FGF10: variants seen among roughly 807,000 people sequenced by gnomAD.
The protein encoded by FGF10 is FGF-10.
Under a neutral mutation model 19.8 loss-of-function variants are expected in FGF10, and 2 were observed. The ratio of observed to expected loss-of-function variants is 0.10; its 90% CI spans 0.04 to 0.32. The LOEUF is 0.32. FGF10 is among the 10% of genes least tolerant of loss of function. FGF10 has a pLI of 1.00. For missense variants in FGF10, 191 were observed against 246.3 expected (o/e 0.78, Z 1.50); for synonymous variants, 112 against 94.0 (o/e 1.19, Z -1.10).
At chr5:44,365,082 G>A (rs185676879) in intron 1 of FGF10, among the ~76,000 whole-genome samples, 7 of 151,840 alleles carry the variant, frequency 4.6e-5, no homozygotes, top group South Asian at 2.1e-4. Context: ...GTAAAATGTC[G>A]GCATGGTTGG....
chr5:44,313,081 G>T (rs1467059107), intron 1 of FGF10, among the ~76,000 whole-genome samples: 1 of 151,930 alleles, frequency 6.6e-6, no homozygotes, highest in Non-Finnish European at 1.5e-5. Context: ...AGCTTAAAAA[G>T]GTTTAGCTAT....
At chr5:44,307,107 T>C (rs1376482526) in intron 2 of FGF10, among the ~76,000 whole-genome samples, 1 of 152,202 alleles carries the variant, frequency 6.6e-6, no homozygotes, top group African/African-American at 2.4e-5. Flanking sequence ...TGGGAGTGTA[T>C]GCTTAATGTT....
chr5:44,374,811 C>A (rs1407819166), intron 1 of FGF10, among the ~76,000 whole-genome samples: 2 of 152,114 alleles, frequency 1.3e-5, no homozygotes, highest in East Asian at 1.9e-4. Flanking sequence ...ATTTTTAATC[C>A]CCACTGAATG....
chr5:44,377,788 C>T (rs192432354), intron 1 of FGF10, among the ~76,000 whole-genome samples: 1 of 152,272 alleles, frequency 6.6e-6, no homozygotes, highest in African/African-American at 2.4e-5. Flanking sequence ...GGACCCAAGT[C>T]TAAACACAAA....
chr5:44,310,396 G>A (rs1332929021), intron 2 of FGF10, 31 bp downstream of exon 2: 3 of 1,447,824 alleles, frequency 2.1e-6, no homozygotes, highest in Admixed American at 1.7e-5. Flanking sequence ...GTTTACTGGA[G>A]TGGATTTGAA....
rs1740043544 is a variant in FGF10, at chr5:44,305,008, A to G, written c.614T>C (p.Val205Ala). The change falls in exon 3 of 3, where the codon GTG becomes GCG. Residue 205 changes from valine to alanine, a missense_variant. Physicochemically the swap from Val to Ala is moderately conservative, Grantham distance 64. Coordinates refer to ENST00000264664, the MANE Select transcript of FGF10 (RefSeq NM_004465.2). ...CGTTGCCTTCCTCTATGAGTGTACC[A>G]CCATTGGAAGAAAGTGAGCAGAGGT... ...KNTSAHFLPM[V>A]VHS 6.2e-7 allele frequency: 1 copy of G among 1,613,772 alleles called. No homozygotes were observed. Among genetic ancestry groups the G allele is most frequent in the African/African-American group, 1.3e-5 (1 of 74,886 alleles).
chr5:44,344,520 CTT>C (rs552197628), intron 1 of FGF10, among the ~76,000 whole-genome samples: 1 of 138,438 alleles, frequency 7.2e-6, no homozygotes, highest in East Asian at 2.1e-4. Flanking sequence ...AAAAGTTAAC[CTT>C]TTTTTTTTCC....
intron 1 of FGF10, among the ~76,000 whole-genome samples, chr5:44,379,175 G>A (rs552562559): frequency 6.6e-6 from 1 of 152,282 alleles, no homozygotes; most frequent in East Asian, 1.9e-4. Context: ...CTGTACTTGT[G>A]TCATTGATAA....
intron 1 of FGF10, among the ~76,000 whole-genome samples, chr5:44,318,680 A>G (rs1740412865): frequency 6.6e-6 from 1 of 152,162 alleles, no homozygotes; most frequent in South Asian, 2.1e-4. Flanking sequence ...ATGCAAAATA[A>G]TGTTAGAAAC....
intron 1 of FGF10, among the ~76,000 whole-genome samples, chr5:44,355,038 C>T (rs761134335): frequency 8.6e-5 from 13 of 151,444 alleles, no homozygotes; most frequent in African/African-American, 1.7e-4. Flanking sequence ...TTATTCTCTT[C>T]GCATGTACCT....
Position 44,389,071 on chromosome 5 carries a change from A to C in FGF10, c.-389T>G. 1 of 332,116 alleles carries C rather than the reference A, an allele frequency of 3.0e-6. No homozygotes were observed. The allele number at this position is 332,116 out of a possible 1,614,324, so 20.6% of individuals were successfully genotyped here. A position where few individuals can be genotyped will look rare whatever the true frequency, so the allele number is the denominator to read the frequency against. On this transcript the variant is annotated 5_prime_UTR_variant, in exon 1 of 3. Coordinates refer to ENST00000264664, the MANE Select transcript of FGF10 (RefSeq NM_004465.2). The stretch of plus-strand genomic sequence containing the variant: ...GCCAAAAAGGTCTGAAAAACAGATG[A>C]CAGCACGGTGAACAAAACCCAAGGG...
In FGF10 at chr5:44,301,321, G is replaced by T. The variant is rs555208962; in HGVS notation, c.*3674C>A. On this transcript the variant is annotated 3_prime_UTR_variant, in exon 3 of 3. Transcript: ENST00000264664. Reference sequence around the variant, plus strand: ...CTGAACCCTTCAGTAATATGAAAAAGGTAAATTTTACTTCACTGAATAATC... The same window carrying T: ...CTGAACCCTTCAGTAATATGAAAAATGTAAATTTTACTTCACTGAATAATC... 2.0e-5 allele frequency among the ~76,000 whole-genome samples: 3 copies of T among 152,128 alleles called. No individual in the cohort carries two copies. Among genetic ancestry groups the T allele is most frequent in the South Asian group, 4.2e-4 (2 of 4,810 alleles).
At chr5:44,355,161 G>A (rs907339266) in intron 1 of FGF10, among the ~76,000 whole-genome samples, 8 of 151,410 alleles carry the variant, frequency 5.3e-5, no homozygotes, top group East Asian at 2.0e-4. Flanking sequence ...TTGGAAAAAT[G>A]GGGTAGGAAA....
chr5:44,345,707 T>C (rs1741077327), intron 1 of FGF10, among the ~76,000 whole-genome samples: 1 of 151,806 alleles, frequency 6.6e-6, no homozygotes, highest in Non-Finnish European at 1.5e-5. Context: ...ATTTCAACTG[T>C]CTTTTCTCAT....
intron 1 of FGF10, among the ~76,000 whole-genome samples, chr5:44,359,824 C>A (rs1245207317): frequency 6.6e-6 from 1 of 151,336 alleles, no homozygotes; most frequent in Non-Finnish European, 1.5e-5. Context: ...TATGTAATTT[C>A]TCATCATCCA....
chr5:44,308,564 C>A (rs530262888), intron 2 of FGF10, among the ~76,000 whole-genome samples: 4 of 152,064 alleles, frequency 2.6e-5, no homozygotes, highest in Middle Eastern at 3.4e-3. Context: ...ATTAAACATG[C>A]CTCAAAAGAG....
At chr5:44,379,205 T>C (rs978078211) in intron 1 of FGF10, among the ~76,000 whole-genome samples, 3 of 152,238 alleles carry the variant, frequency 2.0e-5, no homozygotes, top group Non-Finnish European at 2.9e-5. Context: ...CAATTTTTCA[T>C]CATATCACCT....
intron 2 of FGF10, among the ~76,000 whole-genome samples, chr5:44,306,812 C>G (rs963899884): frequency 2.0e-5 from 3 of 152,062 alleles, no homozygotes; most frequent in Non-Finnish European, 4.4e-5. Flanking sequence ...GATGATTTAA[C>G]TGGCTGAAAG....
Position 44,309,420 on chromosome 5 carries a change from G to A in FGF10, c.429+1007C>T, listed in dbSNP as rs1740159693. Among the ~76,000 whole-genome samples the A allele has an allele frequency of 5.3e-5, 8 of 152,096 alleles. No individual in the cohort carries two copies. The South Asian group carries it at 1.7e-3, about 32-fold the overall frequency. ...TAGTTCCCAACTTTATTATAGGGCT[G>A]CTTTGCTATAGCTGATCCTTTCATA... On this transcript the variant is annotated intron_variant, in intron 2 of 2. Coordinates refer to ENST00000264664, the MANE Select transcript of FGF10 (RefSeq NM_004465.2).
Sources: gnomAD v4.1 joint callset for allele counts (sites outside exome capture counted in the v4.1 genomes callset) on GRCh38, gnomAD v4.1.1 for gene constraint, MANE v1.5 for transcripts, NCBI Gene and HGNC (gene_info 2026-07-23, HGNC 2026-07-21) for gene names.